The following PIGN variants were observed in gnomAD, a reference collection of about 807,000 sequenced individuals.
PIGN encodes GPI ethanolamine phosphate transferase 1.
In PIGN, 117 loss-of-function variants were observed where a neutral mutation model predicts 125.4. That is an observed-to-expected ratio of 0.93 (90% CI 0.80 to 1.09). The LOEUF (loss-of-function observed/expected upper bound fraction) is 1.09. Ranked by LOEUF, PIGN falls within the 50% of genes least tolerant of loss-of-function variation. The probability of loss-of-function intolerance (pLI) is 0.00; values close to 1 mark genes in which losing one functional copy is unlikely to be tolerated. For missense variants in PIGN, 1,075 were observed against 1,094.9 expected, an observed-to-expected ratio of 0.98 and a Z score of 0.26; for synonymous variants, 392 against 377.8, an observed-to-expected ratio of 1.04 and a Z score of -0.44.
At chr18:62,060,122 T>A (rs1164258730) in intron 30 of PIGN, among the ~76,000 whole-genome samples, 1 of 152,332 alleles carries the variant, frequency 6.6e-6, no homozygotes, top group East Asian at 1.9e-4. Context: ...ATCATCTTCA[T>A]GCAATTGAGC....
rs1352168054 is a variant in PIGN at position 62,146,822 on chromosome 18, T to C, written c.805+149A>G. The C allele has an allele frequency of 7.1e-6, 5 of 706,160 alleles. No homozygotes were observed. The African/African-American group carries it at 9.2e-5, about 13-fold the overall frequency. The allele number at this position is 706,160 out of a possible 1,614,324, so 43.7% of individuals were successfully genotyped here. A position where few individuals can be genotyped will look rare whatever the true frequency, so the allele number is the denominator to read the frequency against. ...ATATTTTTTTATAAGATCAGTTGTT[T>C]TTTAGGCTAACATTTTAAGCACAGA... On this transcript the variant is annotated intron_variant, in intron 9 of 30. Transcript: ENST00000640252.
At chr18:62,175,971 T>TC (rs11385646) in intron 1 of PIGN, among the ~76,000 whole-genome samples, 152,234 of 152,234 alleles carry the variant, frequency 1, 76,117 homozygotes, top group Non-Finnish European at 1. Flanking sequence ...AATTAATCTT[T>TC]CAATTAGGAA....
At chr18:62,170,787 G>A (rs1009152897) in intron 1 of PIGN, among the ~76,000 whole-genome samples, 1 of 152,200 alleles carries the variant, frequency 6.6e-6, no homozygotes, top group Non-Finnish European at 1.5e-5. Flanking sequence ...TATCCAGTTT[G>A]TAAATGCAAA....
intron 11 of PIGN, among the ~76,000 whole-genome samples, chr18:62,142,580 G>A (rs894234212): frequency 6.6e-6 from 1 of 152,118 alleles, no homozygotes; most frequent in African/African-American, 2.4e-5. Context: ...ACAACCACAG[G>A]CCTGAAAATG....
At chr18:62,163,044 C>A (rs1048418017) in intron 2 of PIGN, among the ~76,000 whole-genome samples, 4 of 151,902 alleles carry the variant, frequency 2.6e-5, no homozygotes, top group African/African-American at 9.7e-5. Flanking sequence ...AACTGTTTAC[C>A]CAAATCTGAA....
chr18:62,080,357 T>A (rs905432319), intron 28 of PIGN, among the ~76,000 whole-genome samples: 1 of 152,208 alleles, frequency 6.6e-6, no homozygotes, highest in African/African-American at 2.4e-5. Flanking sequence ...GTCTTCATGG[T>A]CCATGTCATC....
chr18:62,030,709 T>C (rs1026125089), intron 23 of PIGN, among the ~76,000 whole-genome samples: 1 of 152,256 alleles, frequency 6.6e-6, no homozygotes, highest in African/African-American at 2.4e-5. Context: ...TGTGGCCCAG[T>C]AAATTGCTTG....
downstream of PIGN, among the ~76,000 whole-genome samples, chr18:62,036,203 A>T (rs773352603): frequency 1.3e-5 from 2 of 152,136 alleles, no homozygotes; most frequent in Non-Finnish European, 2.9e-5. Context: ...GCAAGGGAAG[A>T]TGAGTTTTTT....
In PIGN at chr18:62,109,467, T is replaced by C. The variant is rs146939851; in HGVS notation, c.1574+367A>G. Among the ~76,000 whole-genome samples, 243 of 152,290 alleles carry C rather than the reference T, an allele frequency of 1.6e-3. 1 individual carries two copies. Among genetic ancestry groups the C allele is most frequent in the African/African-American group, 5.5e-3 (227 of 41,564 alleles). ...AAAACATGCAAATATCTTTGTCAAA[T>C]ATGAAGATATATTGGAATCTGAGAT... On this transcript the variant is annotated intron_variant, in intron 17 of 30. Transcript: ENST00000640252.
intron 14 of PIGN, among the ~76,000 whole-genome samples, chr18:62,123,773 G>A (rs553677086): frequency 1.8e-4 from 27 of 152,074 alleles, no homozygotes; most frequent in Non-Finnish European, 3.1e-4. Context: ...CTGAATGTTT[G>A]GTTCCTATGT....
rs368198964 is a variant in PIGN, at chr18:62,157,757, T to A, written c.273A>T (p.Pro91=). ...CTACATGACCTGGCCGAGATTCTGT[T>A]GGCACACGTGTATGAGATATGCCCC... is the stretch of plus-strand genomic sequence containing the variant. The part of the protein sequence containing the change: ...GSWGISHTRV[P]TESRPGHVAL... The change falls in exon 5 of 31, where the codon CCA becomes CCT. Residue 91 remains proline, a synonymous_variant. Coordinates refer to ENST00000640252, the MANE Select transcript of PIGN (RefSeq NM_176787.5). The A allele has an allele frequency of 9.9e-6, 16 of 1,612,560 alleles. No individual in the cohort carries two copies. The highest frequency in any genetic ancestry group is 1.3e-5 in the Non-Finnish European group (15 of 1,179,138).
chr18:62,142,515 T>C (rs1443826689), intron 11 of PIGN, among the ~76,000 whole-genome samples: 1 of 152,190 alleles, frequency 6.6e-6, no homozygotes, highest in Non-Finnish European at 1.5e-5. Context: ...TTGGGTAGTA[T>C]GCATCTATCC....
chr18:62,104,310 T>C (rs930802936), intron 20 of PIGN, among the ~76,000 whole-genome samples: 2 of 152,166 alleles, frequency 1.3e-5, no homozygotes, highest in Admixed American at 1.3e-4. Context: ...TCCTTCCCTT[T>C]TAGCATATGA....
In PIGN at chr18:62,127,066, G is replaced by A. The variant is rs112226264; in HGVS notation, c.1172+11177C>T. 2.8e-3 allele frequency among the ~76,000 whole-genome samples: 427 copies of A among 152,240 alleles called. 1 individual carries two copies. The highest frequency in any genetic ancestry group is 9.5e-3 in the African/African-American group (394 of 41,540). On this transcript the variant is annotated intron_variant, in intron 14 of 30. Coordinates refer to ENST00000640252, the MANE Select transcript of PIGN (RefSeq NM_176787.5). ...ATAAATCTTACCCTGGTTAGTGATAGATTCTGTGCCAGACTGCCTGGGTTC... is the reference window on the plus strand; with the variant it reads ...ATAAATCTTACCCTGGTTAGTGATAAATTCTGTGCCAGACTGCCTGGGTTC...
intron 14 of PIGN, among the ~76,000 whole-genome samples, chr18:62,114,973 G>C (rs1398418825): frequency 2.0e-5 from 3 of 152,208 alleles, no homozygotes; most frequent in Non-Finnish European, 2.9e-5. Context: ...CGTATGGCAT[G>C]AGCTCTGCCA....
chr18:62,146,880 C>T (rs2036349386), intron 9 of PIGN, 91 bp downstream of exon 9: 2 of 1,311,916 alleles, frequency 1.5e-6, no homozygotes, highest in South Asian at 2.7e-5. Context: ...TACAGCAAGA[C>T]ATCTAATCCT....
intron 23 of PIGN, among the ~76,000 whole-genome samples, chr18:62,033,114 C>G (rs2030213331): frequency 6.6e-6 from 1 of 152,168 alleles, no homozygotes; most frequent in African/African-American, 2.4e-5. Context: ...TCCTTGGATG[C>G]CATAGCTAGT....
In PIGN at chr18:62,095,880, T is replaced by G; in HGVS notation, c.2148A>C (p.Ser716=). The change falls in exon 23 of 31, where the codon TCA becomes TCC. Residue 716 remains serine, a synonymous_variant. Transcript: ENST00000640252. ...LFQRLFSILL[S]LMSTYLLLST... ...TTAGAAGTAGGTAGGTTGACATCAA[T>G]GAAAGAAGTATGCTGAACAATCGCT... 1 of 1,612,494 alleles carries G rather than the reference T, an allele frequency of 6.2e-7. No homozygotes were observed. The highest frequency in any genetic ancestry group is 8.5e-7 in the Non-Finnish European group (1 of 1,178,654).
chr18:62,171,469 C>A (rs2037343046), intron 1 of PIGN, among the ~76,000 whole-genome samples: 1 of 152,054 alleles, frequency 6.6e-6, no homozygotes, highest in Middle Eastern at 3.2e-3. Flanking sequence ...ACATCTTATG[C>A]TTTTTATATT....
Sources: gnomAD v4.1 joint callset for allele counts (sites outside exome capture counted in the v4.1 genomes callset) on GRCh38, gnomAD v4.1.1 for gene constraint, MANE v1.5 for transcripts, NCBI Gene and HGNC (gene_info 2026-07-23, HGNC 2026-07-21) for gene names.